CCSER2: variants seen among roughly 807,000 people sequenced by gnomAD.
CCSER2 encodes the protein coiled-coil serine rich protein 2.
In CCSER2, 46 loss-of-function variants were observed where a neutral mutation model predicts 92.3. That is an observed-to-expected ratio of 0.50 (90% CI 0.39 to 0.64). CCSER2 has a LOEUF of 0.64. CCSER2 is among the 30% of genes least tolerant of loss of function. The probability of loss-of-function intolerance (pLI) is 0.00; values close to 1 mark genes in which losing one functional copy is unlikely to be tolerated. For synonymous variants in CCSER2, 433 were observed against 431.4 expected (o/e 1.00, Z -0.04); for missense variants, 1,244 against 1,238.9 (o/e 1.00, Z -0.06).
intron 9 of CCSER2, among the ~76,000 whole-genome samples, chr10:84,512,748 T>C (rs989332006): frequency 2.0e-5 from 3 of 152,190 alleles, no homozygotes; most frequent in Non-Finnish European, 4.4e-5. Flanking sequence ...TTTAAGTAAA[T>C]GAATGTTTAC....
At chr10:84,395,284 G>C (rs1841771650) in intron 3 of CCSER2, among the ~76,000 whole-genome samples, 2 of 151,530 alleles carry the variant, frequency 1.3e-5, no homozygotes, top group African/African-American at 4.9e-5. Flanking sequence ...CATAGTACCT[G>C]GCATAGAGTA....
intron 4 of CCSER2, among the ~76,000 whole-genome samples, chr10:84,419,134 G>A (rs940195953): frequency 6.6e-6 from 1 of 152,156 alleles, no homozygotes; most frequent in Admixed American, 6.5e-5. Flanking sequence ...ACACTTGACA[G>A]CAAAGTCACA....
intron 9 of CCSER2, among the ~76,000 whole-genome samples, chr10:84,511,188 G>A (rs1849330662): frequency 6.6e-6 from 1 of 152,022 alleles, no homozygotes; most frequent in Non-Finnish European, 1.5e-5. Context: ...TTTAAAAACT[G>A]GATGTTTTCT....
rs1264282238 is a variant in CCSER2, at chr10:84,390,855, A to G, written c.1614+17040A>G. On this transcript the variant is annotated intron_variant, in intron 3 of 9. Transcript: ENST00000372088. ...TCTTGGACATCTTAATCTTAATCAT[A>G]CAGACACAGTATAAATATTCTAAGA... 7 of 588,770 alleles carry G rather than the reference A, an allele frequency of 1.2e-5. No homozygotes were observed. In the East Asian group the frequency reaches 2.1e-4, roughly 18 times the overall value. 36.5% of individuals were successfully genotyped at this position (588,770 alleles called of 1,614,324 possible). A position where few individuals can be genotyped will look rare whatever the true frequency, so the allele number is the denominator to read the frequency against.
At chr10:84,463,306 C>A (rs879467163) in intron 6 of CCSER2, among the ~76,000 whole-genome samples, 1 of 152,168 alleles carries the variant, frequency 6.6e-6, no homozygotes, top group Admixed American at 6.5e-5. Flanking sequence ...ACCGTACACT[C>A]AGGACATAGA....
intron 9 of CCSER2, among the ~76,000 whole-genome samples, chr10:84,483,953 T>TTTTATATATA (rs1426923651): frequency 2.1e-5 from 1 of 48,056 alleles, no homozygotes; most frequent in Non-Finnish European, 4.8e-5. Context: ...CCCGGCTAAT[T>TTTTATATATA]TATATATATA....
chr10:84,426,504 A>G (rs1303711130), intron 5 of CCSER2, among the ~76,000 whole-genome samples: 1 of 152,190 alleles, frequency 6.6e-6, no homozygotes, highest in African/African-American at 2.4e-5. Context: ...TCACTTTACT[A>G]TCTTTAAAAC....
intron 6 of CCSER2, among the ~76,000 whole-genome samples, chr10:84,456,680 T>A (rs1366001250): frequency 1.3e-5 from 2 of 152,196 alleles, no homozygotes; most frequent in Admixed American, 6.5e-5. Context: ...CCTTGGTGAC[T>A]ATATCATTTT....
At chr10:84,407,137 T>C (rs1218520115) in intron 3 of CCSER2, among the ~76,000 whole-genome samples, 1 of 152,204 alleles carries the variant, frequency 6.6e-6, no homozygotes, top group Non-Finnish European at 1.5e-5. Context: ...ATCTCTTTGC[T>C]TAACCTAGAC....
Position 84,371,380 on chromosome 10 carries a change from A to C in CCSER2, c.328A>C (p.Ile110Leu). The stretch of plus-strand genomic sequence containing the variant: ...TCAAGGAATGTTTGATAAAAATGGG[A>C]TAAAGGGAGGTTTGAAAAGTGTTTC... The part of the protein sequence containing the change: ...PTQGMFDKNG[I>L]KGGLKSVSLF... Residue 110 changes from isoleucine to leucine, a missense_variant, in exon 2 of 10, where the codon ATA becomes CTA. Ile to Leu is a conservative substitution (Grantham distance 5, BLOSUM62 2). Coordinates refer to ENST00000372088, the MANE Select transcript of CCSER2 (RefSeq NM_001284240.2). 1.2e-6 allele frequency: 2 copies of C among 1,613,528 alleles called. No individual in the cohort carries two copies. Among genetic ancestry groups the C allele is most frequent in the Non-Finnish European group, 1.7e-6 (2 of 1,179,790 alleles).
chr10:84,502,422 A>G (rs1388489398), intron 9 of CCSER2, among the ~76,000 whole-genome samples: 1 of 133,442 alleles, frequency 7.5e-6, no homozygotes, highest in African/African-American at 2.9e-5. Context: ...CCCAGGCTGG[A>G]GTGCAGTGGC....
chr10:84,464,106 A>C (rs1846256657), intron 7 of CCSER2, 90 bp downstream of exon 7: 4 of 657,778 alleles, frequency 6.1e-6, no homozygotes, highest in African/African-American at 5.5e-5. Flanking sequence ...TAATAAATGT[A>C]TTAATACCTA....
chr10:84,386,455 G>C (rs968981907), intron 3 of CCSER2, among the ~76,000 whole-genome samples: 1 of 152,178 alleles, frequency 6.6e-6, no homozygotes, highest in African/African-American at 2.4e-5. Context: ...AGTGGCTCAT[G>C]CCTGTAATCC....
intron 3 of CCSER2, among the ~76,000 whole-genome samples, chr10:84,396,029 C>T (rs199635375): frequency 1.4e-4 from 22 of 152,120 alleles, no homozygotes; most frequent in East Asian, 1.2e-3. Context: ...TATCCATTTC[C>T]GTATATATTA....
intron 6 of CCSER2, among the ~76,000 whole-genome samples, chr10:84,462,406 T>G (rs1846152230): frequency 6.6e-6 from 1 of 152,250 alleles, no homozygotes; most frequent in Non-Finnish European, 1.5e-5. Context: ...AGAAGACATT[T>G]AGATATTTGG....
chr10:84,363,573 T>G (rs1206599020), intron 1 of CCSER2, among the ~76,000 whole-genome samples: 1 of 152,162 alleles, frequency 6.6e-6, no homozygotes, highest in Non-Finnish European at 1.5e-5. Context: ...AATTTATACC[T>G]TCTAAAAAAC....
In CCSER2 at chr10:84,328,655, C is replaced by T. The variant is rs1337989870; in HGVS notation, c.-193C>T. The T allele has an allele frequency of 6.6e-6, 1 of 151,214 alleles. No individual in the cohort carries two copies. The highest frequency in any genetic ancestry group is 1.5e-5 in the Non-Finnish European group (1 of 67,782). The allele number at this position is 151,214 out of a possible 1,614,324, so 9.4% of individuals were successfully genotyped here. ...CTTTGGAGTCCGGCGCTCCCTCAGG[C>T]CGCGGACGCGATGCTGGTTGCTGCG... On this transcript the variant is annotated 5_prime_UTR_variant, in exon 1 of 10. Transcript: ENST00000372088.
rs1292635771 is a variant in CCSER2 at position 84,438,654 on chromosome 10, G to T, written c.2011G>T (p.Asp671Tyr). 1 of 1,613,410 alleles carries T rather than the reference G, an allele frequency of 6.2e-7. No homozygotes were observed. The highest frequency in any genetic ancestry group is 8.5e-7 in the Non-Finnish European group (1 of 1,179,696). ...GATGACCCTTCGGCACATGGTTCAG[G>T]ATTGCACTGCTGTAAAAACTCAGTT... ...DEMTLRHMVQ[D>Y]CTAVKTQLLK... The change falls in exon 6 of 10, where the codon GAT becomes TAT. Residue 671 changes from aspartate (D) to tyrosine (Y), a missense_variant. Physicochemically the swap from Asp to Tyr is radical, Grantham distance 160 (BLOSUM62 -3). Coordinates refer to ENST00000372088, the MANE Select transcript of CCSER2 (RefSeq NM_001284240.2).
At chr10:84,511,765 G>A (rs761221788) in intron 9 of CCSER2, among the ~76,000 whole-genome samples, 2 of 151,980 alleles carry the variant, frequency 1.3e-5, no homozygotes, top group South Asian at 4.1e-4. Context: ...ACTTTGGCAC[G>A]GTCATTTTTA....
Sources: gnomAD v4.1 joint callset for allele counts (sites outside exome capture counted in the v4.1 genomes callset) on GRCh38, gnomAD v4.1.1 for gene constraint, MANE v1.5 for transcripts, NCBI Gene and HGNC (gene_info 2026-07-23, HGNC 2026-07-21) for gene names.